Variants in LCORL observed in about 807,000 individuals in gnomAD.
LCORL encodes the protein ligand-dependent nuclear receptor corepressor-like protein.
LCORL carries 41 observed loss-of-function variants against 141.8 expected under a neutral mutation model. The observed-to-expected ratio is 0.29, with a 90% CI of 0.23 to 0.38. The LOEUF (loss-of-function observed/expected upper bound fraction) is 0.38. Among genes scored for constraint, LCORL ranks in the 10% least tolerant of loss-of-function variants. LCORL has a pLI of 1.00. For missense variants in LCORL, 1,759 were observed against 2,035.0 expected (o/e 0.86, Z 2.61); for synonymous variants, 618 against 694.1 (o/e 0.89, Z 1.72).
At chr4:17,875,608 T>A (rs909656671) in exon 7 of LCORL, 3 of 1,230,176 alleles carry the variant, frequency 2.4e-6, no homozygotes, top group African/African-American at 3.1e-5. Context: ...ACTTCTGATA[T>A]GAGACATTCT....
intron 1 of LCORL, among the ~76,000 whole-genome samples, chr4:17,998,993 T>A (rs1234395492): frequency 6.0e-3 from 370 of 61,768 alleles, no homozygotes; most frequent in African/African-American, 0.013. Context: ...AAAATATATA[T>A]ATATATATAT....
chr4:17,989,721 T>A (rs958868514), intron 1 of LCORL, among the ~76,000 whole-genome samples: 2 of 152,256 alleles, frequency 1.3e-5, no homozygotes, highest in Non-Finnish European at 1.5e-5. Flanking sequence ...TCAAGGCATG[T>A]GTATTATTTA....
intron 4 of LCORL, among the ~76,000 whole-genome samples, chr4:17,928,095 T>A (rs1019245227): frequency 6.6e-6 from 1 of 152,202 alleles, no homozygotes; most frequent in African/African-American, 2.4e-5. Context: ...AATTCCAGGT[T>A]GGTTTAACAT....
chr4:17,986,399 T>C (rs570696873), intron 1 of LCORL, among the ~76,000 whole-genome samples: 5 of 152,218 alleles, frequency 3.3e-5, no homozygotes, highest in Non-Finnish European at 5.9e-5. Context: ...GCCAGTGATT[T>C]GTAGGCTTGG....
chr4:18,005,157 G>A (rs527642896), intron 1 of LCORL, among the ~76,000 whole-genome samples: 14 of 152,174 alleles, frequency 9.2e-5, no homozygotes, highest in African/African-American at 2.6e-4. Context: ...GACCTCAGGC[G>A]ATCCACCCGC....
At chr4:17,861,718 T>C (rs1725036226) in intron 7 of LCORL, among the ~76,000 whole-genome samples, 1 of 152,236 alleles carries the variant, frequency 6.6e-6, no homozygotes, top group Non-Finnish European at 1.5e-5. Flanking sequence ...TAAAACTAAA[T>C]GCCTTTAACA....
chr4:18,013,581 T>C (rs1269560208), intron 1 of LCORL, among the ~76,000 whole-genome samples: 1 of 152,192 alleles, frequency 6.6e-6, no homozygotes, highest in Non-Finnish European at 1.5e-5. Context: ...TGATAGGGGC[T>C]AAGAAGAAAC....
At chr4:18,006,179 CA>C in intron 1 of LCORL, among the ~76,000 whole-genome samples, 1 of 152,280 alleles carries the variant, frequency 6.6e-6, no homozygotes, top group East Asian at 1.9e-4. Context: ...ATCTGTATAG[CA>C]GGGGCAAAAT....
chr4:18,011,443 AAAC>A (rs1055907482), intron 1 of LCORL, among the ~76,000 whole-genome samples: 4 of 152,116 alleles, frequency 2.6e-5, no homozygotes, highest in East Asian at 1.9e-4. Flanking sequence ...AAAAAAAAAA[AAAC>A]AACTTCAAAG....
chr4:18,006,142 A>T (rs1175308423), intron 1 of LCORL, among the ~76,000 whole-genome samples: 3 of 152,128 alleles, frequency 2.0e-5, no homozygotes, highest in Non-Finnish European at 4.4e-5. Flanking sequence ...ACCCTAAATC[A>T]TCTCTGTCAA....
At chr4:17,882,481 T>C (rs1196665712) in intron 6 of LCORL, 1 of 984,358 alleles carries the variant, frequency 1.0e-6, no homozygotes, top group Non-Finnish European at 1.2e-6. Context: ...CAGTCTCTCT[T>C]ATGAGTCTAG....
At chr4:17,913,091 G>A in intron 4 of LCORL, 2 of 208,590 alleles carry the variant, frequency 9.6e-6, no homozygotes, top group South Asian at 1.8e-4. Context: ...GATAAAGCCT[G>A]CAGTGACGGA....
At chr4:17,948,936 C>T (rs1231423720) in intron 4 of LCORL, among the ~76,000 whole-genome samples, 1 of 151,902 alleles carries the variant, frequency 6.6e-6, no homozygotes, top group African/African-American at 2.4e-5. Flanking sequence ...AAGTCAAATA[C>T]TGTAGGGTCT....
intron 6 of LCORL, chr4:17,883,192 T>C (rs188159122): frequency 5.9e-5 from 58 of 982,004 alleles, no homozygotes; most frequent in Non-Finnish European, 7.0e-5. Context: ...CACTGTCGTG[T>C]ACTAATACTG....
In LCORL at chr4:17,939,878, G is replaced by A. The variant is rs1560374994; in HGVS notation, c.430+22025C>T. On this transcript the variant is annotated intron_variant, in intron 4 of 7. Coordinates refer to ENST00000635767, the Ensembl canonical transcript of LCORL. The stretch of plus-strand genomic sequence containing the variant: ...ACCTGGGGAAAAGGAATAGGTACAT[G>A]TACACACACACACACATATATGTAT... Among the ~76,000 whole-genome samples, 4 of 104,544 alleles carry A rather than the reference G, an allele frequency of 3.8e-5. No individual in the cohort carries two copies. In the East Asian group the frequency reaches 9.5e-4, roughly 25 times the overall value. 68.6% of individuals were successfully genotyped at this position (104,544 alleles called of 152,430 possible). A position where few individuals can be genotyped will look rare whatever the true frequency, so the allele number is the denominator to read the frequency against.
chr4:17,990,066 C>A lies in LCORL; in HGVS notation c.155-17181G>T, dbSNP rs1156924885. 7.9e-5 allele frequency among the ~76,000 whole-genome samples: 12 copies of A among 151,526 alleles called. No homozygotes were observed. The East Asian group carries it at 2.3e-3, about 29-fold the overall frequency. On this transcript the variant is annotated intron_variant, in intron 1 of 7. Transcript: ENST00000635767. ...TTTGAATCTCCCACTTCGTCTTCTACCACCAGCAGAAAAAAAGAAAACTCT... is the reference window on the plus strand; with the variant it reads ...TTTGAATCTCCCACTTCGTCTTCTAACACCAGCAGAAAAAAAGAAAACTCT...
chr4:17,948,657 A>C (rs930809679), intron 4 of LCORL, among the ~76,000 whole-genome samples: 2 of 151,934 alleles, frequency 1.3e-5, no homozygotes, highest in African/African-American at 4.8e-5. Flanking sequence ...GTTCAGGGAG[A>C]ATGCATAAAA....
intron 1 of LCORL, among the ~76,000 whole-genome samples, chr4:18,019,748 C>T (rs7665075): frequency 0.2 from 30,923 of 151,958 alleles, 3,989 homozygotes; most frequent in African/African-American, 0.36. Flanking sequence ...CACTTTGTGC[C>T]TTGACAAAAC....
chr4:17,986,677 G>A (rs1178804844), intron 1 of LCORL, among the ~76,000 whole-genome samples: 1 of 151,708 alleles, frequency 6.6e-6, no homozygotes, highest in Non-Finnish European at 1.5e-5. Flanking sequence ...GTATCATTTT[G>A]TGATTCTTAG....
Sources: allele counts gnomAD v4.1 joint callset (sites outside exome capture counted in the v4.1 genomes callset), GRCh38; gene constraint gnomAD v4.1.1; transcripts MANE v1.5; gene names NCBI Gene and HGNC (gene_info 2026-07-23, HGNC 2026-07-21).